Variants in KDM6A observed in about 807,000 individuals in gnomAD.
KDM6A encodes the protein lysine demethylase 6A.
Under a neutral mutation model 117.6 loss-of-function variants are expected in KDM6A, and 11 were observed. The ratio of observed to expected loss-of-function variants is 0.09; its 90% CI spans 0.06 to 0.15. KDM6A has a LOEUF of 0.15. KDM6A is among the 10% of genes least tolerant of loss of function. The pLI is 1.00. For missense variants in KDM6A, 799 were observed against 1,077.3 expected (o/e 0.74, Z 3.62); for synonymous variants, 384 against 396.1 (o/e 0.97, Z 0.36).
intron 27 of KDM6A, among the ~76,000 whole-genome samples, chrX:45,101,991 A>G (rs1361292277): frequency 9.0e-6 from 1 of 111,387 alleles, no homozygotes; most frequent in Admixed American, 9.6e-5. Context: ...TTGAACCCAG[A>G]CAGTCTAGGT....
At chrX:45,032,330 G>A (rs1479206521) in intron 6 of KDM6A, among the ~76,000 whole-genome samples, 1 of 111,248 alleles carries the variant, frequency 9.0e-6, no homozygotes, top group Non-Finnish European at 1.9e-5. Flanking sequence ...TATGTTAATA[G>A]GTATATCTAT....
chrX:44,996,748 T>C (rs972076536), intron 4 of KDM6A, among the ~76,000 whole-genome samples: 24 of 111,618 alleles, frequency 2.2e-4, no homozygotes, highest in African/African-American at 7.5e-4. Context: ...GACTGTAAGA[T>C]ACTGATTTAC....
At chrX:44,934,828 A>G (rs2036874894) in intron 2 of KDM6A, among the ~76,000 whole-genome samples, 1 of 111,468 alleles carries the variant, frequency 9.0e-6, no homozygotes, top group Non-Finnish European at 1.9e-5. Context: ...AGAATTCTAG[A>G]TAGGAGTAGA....
chrX:45,027,345 A>ACACACACACACACACG (rs1299854125), intron 6 of KDM6A, among the ~76,000 whole-genome samples: 16 of 109,785 alleles, frequency 1.5e-4, no homozygotes, highest in African/African-American at 5.4e-4. Flanking sequence ...AAACACACAC[A>ACACACACACACACACG]CACACACACA....
rs758082394 is a variant in KDM6A at position 45,111,775 on chromosome X, G to GA, written c.*372dup. ...TTTTCCCCCTTCAGAATTTTCCTTG[G>GA]AAAAAAAATACTAGCCTAGCTGGTC... On this transcript the variant is annotated 3_prime_UTR_variant, in exon 30 of 30. Coordinates refer to ENST00000611820, the MANE Select transcript of KDM6A (RefSeq NM_001291415.2). The GA allele has an allele frequency of 3.1e-5, 6 of 192,970 alleles. No individual in the cohort carries two copies. The highest frequency in any genetic ancestry group is 4.8e-5 in the Non-Finnish European group (5 of 105,075). The allele number at this position is 192,970 out of a possible 1,213,427, so 15.9% of individuals were successfully genotyped here. A position where few individuals can be genotyped will look rare whatever the true frequency, so the allele number is the denominator to read the frequency against.
chrX:45,090,828 T>C lies in KDM6A; in HGVS notation c.3998T>C (p.Ile1333Thr). ...CTTTCCTGGAATATGGCACGAAATA[T>C]CAAGGTCTCAGATCCAAAGCTTTTT... Reference protein sequence around the residue: ...VHLSWNMARNIKVSDPKLFEM... With the variant: ...VHLSWNMARNTKVSDPKLFEM... Residue 1333 changes from isoleucine (I) to threonine (T), a missense_variant, in exon 27 of 30, where the codon ATC becomes ACC. Coordinates refer to ENST00000611820, the MANE Select transcript of KDM6A (RefSeq NM_001291415.2). 1.7e-6 allele frequency: 2 copies of C among 1,210,074 alleles called. No homozygotes were observed. The highest frequency in any genetic ancestry group is 2.2e-6 in the Non-Finnish European group (2 of 894,308).
intron 4 of KDM6A, among the ~76,000 whole-genome samples, chrX:44,983,198 T>A (rs1414570838): frequency 1.8e-5 from 2 of 111,563 alleles, no homozygotes; most frequent in African/African-American, 6.5e-5. Flanking sequence ...TTCCTTTACT[T>A]TATGGACTAG....
chrX:45,097,336 C>T (rs756412514), intron 27 of KDM6A, among the ~76,000 whole-genome samples: 2 of 110,527 alleles, frequency 1.8e-5, no homozygotes, highest in Admixed American at 1.9e-4. Context: ...CCACATGTAC[C>T]CCTGAACTTA....
At chrX:44,944,018 G>T (rs2037488068) in intron 2 of KDM6A, among the ~76,000 whole-genome samples, 2 of 111,054 alleles carry the variant, frequency 1.8e-5, no homozygotes, top group African/African-American at 6.6e-5. Flanking sequence ...CCTCATTATG[G>T]TTTTAATTGA....
At chrX:45,069,525 G>C (rs754369740) in intron 17 of KDM6A, 54 bp from the exon 18 acceptor site, 32 of 1,013,591 alleles carry the variant, frequency 3.2e-5, no homozygotes, top group Non-Finnish European at 4.1e-5. Flanking sequence ...TTTAAATTCT[G>C]TATATTCTGA....
chrX:45,055,255 G>A (rs1261574917), intron 10 of KDM6A, among the ~76,000 whole-genome samples: 1 of 110,586 alleles, frequency 9.0e-6, no homozygotes, highest in African/African-American at 3.3e-5. Flanking sequence ...ATGTTTGTAT[G>A]AGACATTAAT....
At chrX:45,028,177 A>G (rs962083847) in intron 6 of KDM6A, among the ~76,000 whole-genome samples, 2 of 111,826 alleles carry the variant, frequency 1.8e-5, no homozygotes, top group African/African-American at 6.5e-5. Context: ...ACAGCAAACT[A>G]AGTTTGGGGC....
intron 2 of KDM6A, among the ~76,000 whole-genome samples, chrX:44,960,509 A>G (rs928014578): frequency 1.8e-5 from 2 of 111,853 alleles, no homozygotes; most frequent in African/African-American, 6.5e-5. Flanking sequence ...TGTTACTAAA[A>G]TAGAAAGGAT....
chrX:45,058,646 T>C (rs2044177792), intron 10 of KDM6A, among the ~76,000 whole-genome samples: 2 of 110,649 alleles, frequency 1.8e-5, no homozygotes, highest in Admixed American at 1.9e-4. Flanking sequence ...TATAGGAAAC[T>C]AGAGGTCAAG....
intron 8 of KDM6A, among the ~76,000 whole-genome samples, chrX:45,038,291 A>G (rs769984728): frequency 8.9e-6 from 1 of 111,883 alleles, no homozygotes; most frequent in South Asian, 3.7e-4. Flanking sequence ...TTTAAGATTT[A>G]TCTTATTCTT....
chrX:45,060,296 A>T (rs2044240759), intron 13 of KDM6A, 140 bp downstream of exon 13: 1 of 1,012,389 alleles, frequency 9.9e-7, no homozygotes, highest in African/African-American at 1.9e-5. Context: ...GGGAATCTAG[A>T]TCAAAATAAA....
At chrX:45,082,542 CACTAA>C (rs2045460204) in intron 21 of KDM6A, 29 bp from the exon 22 acceptor site, 1 of 1,005,918 alleles carries the variant, frequency 9.9e-7, no homozygotes, top group Non-Finnish European at 1.4e-6. Flanking sequence ...AGTTGTAGAA[CACTAA>C]ACTAGACTGC....
chrX:45,082,056 G>T (rs1387057078), intron 21 of KDM6A, among the ~76,000 whole-genome samples: 1 of 110,482 alleles, frequency 9.1e-6, no homozygotes, highest in Non-Finnish European at 1.9e-5. Context: ...TGGGATTACA[G>T]GCATGAGCCA....
chrX:44,874,099 G>A, intron 2 of KDM6A, 112 bp downstream of exon 2: 2 of 702,732 alleles, frequency 2.8e-6, no homozygotes, highest in Non-Finnish European at 2.2e-6. Flanking sequence ...GATGGTCGAG[G>A]GGCTTCCGGA....
Sources: gnomAD v4.1 joint callset for allele counts (sites outside exome capture counted in the v4.1 genomes callset) on GRCh38, gnomAD v4.1.1 for gene constraint, MANE v1.5 for transcripts, NCBI Gene and HGNC (gene_info 2026-07-23, HGNC 2026-07-21) for gene names.